The following ITGB2 variants were observed in gnomAD, a reference collection of about 807,000 sequenced individuals.
ITGB2 encodes integrin subunit beta 2.
Under a neutral mutation model 86.8 loss-of-function variants are expected in ITGB2, and 56 were observed. The observed-to-expected ratio is 0.65, with a 90% CI of 0.52 to 0.81. The LOEUF is 0.81. ITGB2 is among the 30% of genes least tolerant of loss of function. The pLI is 0.00. For synonymous variants in ITGB2, 457 were observed against 450.4 expected (o/e 1.01, Z -0.19); for missense variants, 948 against 1,061.2 (o/e 0.89, Z 1.48).
intron 10 of ITGB2, among the ~76,000 whole-genome samples, chr21:44,892,751 ACAAAAAAC>A: frequency 6.6e-6 from 1 of 152,208 alleles, no homozygotes; most frequent in East Asian, 1.9e-4. Context: ...AAAACAAAAA[ACAAAAAAC>A]AAAAAGAAAC....
At chr21:44,921,627 A>G (rs2084306324), upstream of ITGB2, among the ~76,000 whole-genome samples, 1 of 151,998 alleles carries the variant, frequency 6.6e-6, no homozygotes, top group Non-Finnish European at 1.5e-5. Flanking sequence ...GAAAGAGATT[A>G]TACCTAGAAA....
intron 1 of ITGB2, among the ~76,000 whole-genome samples, chr21:44,912,854 C>A (rs2084154794): frequency 7.7e-6 from 1 of 130,086 alleles, no homozygotes; most frequent in Non-Finnish European, 1.7e-5. Context: ...CAGGACTCCC[C>A]CAGGGTGCAG....
chr21:44,895,019 C>T lies in ITGB2; in HGVS notation c.1035G>A (p.Leu345=), dbSNP rs2083842930. 1.2e-6 allele frequency: 2 copies of T among 1,613,678 alleles called. No homozygotes were observed. Among genetic ancestry groups the T allele is most frequent in the African/African-American group, 2.7e-5 (2 of 74,964 alleles). The part of the protein sequence containing the change: ...EIIPKSAVGE[L]SEDSSNVVHL... ...GGACCACATTGCTGGAGTCCTCAGA[C>T]AGCTCCCCCACGGCTGACTTGGGGA... Residue 345 remains leucine, a synonymous_variant, in exon 9 of 16, where the codon CTG becomes CTA. Coordinates refer to ENST00000652462, the MANE Select transcript of ITGB2 (RefSeq NM_000211.5).
chr21:44,928,008 G>C (rs1458626683), intron 1 of ITGB2: 2 of 152,276 alleles, frequency 1.3e-5, no homozygotes, highest in African/African-American at 4.8e-5. Flanking sequence ...CTGTGGCCTG[G>C]GTGGGCCTGT....
intron 1 of ITGB2, among the ~76,000 whole-genome samples, chr21:44,927,469 C>T (rs1029591065): frequency 2.0e-5 from 3 of 152,088 alleles, no homozygotes; most frequent in African/African-American, 2.4e-5. Context: ...CTGGGGCCAC[C>T]CGGGAACCGC....
rs548128575 is a variant in ITGB2, at chr21:44,916,213, G to A, written c.-4+4608C>T. On this transcript the variant is annotated intron_variant, in intron 1 of 15. Transcript: ENST00000652462. ...TGGGATTACAGGCGTGAGCCACTGCGCCCGGCCTGATAGCACAAATTTTAA... is the reference window on the plus strand; with the variant it reads ...TGGGATTACAGGCGTGAGCCACTGCACCCGGCCTGATAGCACAAATTTTAA... Among the ~76,000 whole-genome samples the A allele has an allele frequency of 1.4e-3, 220 of 152,180 alleles. 2 individuals are homozygous for A. The highest frequency in any genetic ancestry group is 2.4e-3 in the Non-Finnish European group (163 of 68,008).
At chr21:44,897,558 C>T (rs746131606) in intron 8 of ITGB2, among the ~76,000 whole-genome samples, 6 of 152,218 alleles carry the variant, frequency 3.9e-5, no homozygotes, top group East Asian at 1.9e-4. Flanking sequence ...GTACCCACGA[C>T]GCACTGCCCG....
rs550491140 is a variant in ITGB2 at position 44,890,092 on chromosome 21, C to T, written c.1543G>A (p.Gly515Arg). 1.1e-5 allele frequency: 18 copies of T among 1,613,450 alleles called. No individual in the cohort carries two copies. The highest frequency in any genetic ancestry group is 1.0e-4 in the Admixed American group (6 of 60,032). Reference protein sequence around the residue: ...ICSGLGDCVCGQCLCHTSDVP... With the variant: ...ICSGLGDCVCRQCLCHTSDVP... ...TCGCTGGTGTGGCACAGGCACTGCC[C>T]GCAGACACAGTCCCCCAGCCCTGAG... The change falls in exon 12 of 16, where the codon GGG becomes AGG. Residue 515 changes from glycine to arginine, a missense_variant. Physicochemically the swap from Gly to Arg is moderately radical, Grantham distance 125. Transcript: ENST00000652462.
At chr21:44,903,661 C>A in intron 4 of ITGB2, 126 bp from the exon 5 acceptor site, 3 of 1,073,306 alleles carry the variant, frequency 2.8e-6, no homozygotes, top group Non-Finnish European at 4.1e-6. Context: ...CTCCTGACCT[C>A]CCCTCTCCCC....
At chr21:44,920,506 C>A (rs888957265) in intron 1 of ITGB2, among the ~76,000 whole-genome samples, 16 of 152,298 alleles carry the variant, frequency 1.1e-4, no homozygotes, top group African/African-American at 3.8e-4. Context: ...GACCCCCCAG[C>A]CGTCCCCCTA....
At chr21:44,892,915 AC>A (rs2083810055) in intron 10 of ITGB2, 2 of 189,700 alleles carry the variant, frequency 1.1e-5, no homozygotes, top group African/African-American at 2.3e-5. Context: ...AACTAACCCT[AC>A]CCAGGTTTGC....
rs1354352877 is a variant in ITGB2 at position 44,896,006 on chromosome 21, TGCCTGCGGTGTGAGTGATCCC to T, written c.994-967_994-947del. Among the ~76,000 whole-genome samples, 212 of 151,772 alleles carry T rather than the reference TGCCTGCGGTGTGAGTGATCCC, an allele frequency of 1.4e-3. 1 individual carries two copies. The highest frequency in any genetic ancestry group is 4.7e-3 in the African/African-American group (195 of 41,130). On this transcript the variant is annotated intron_variant, in intron 8 of 15. Coordinates refer to ENST00000652462, the MANE Select transcript of ITGB2 (RefSeq NM_000211.5). ...CCAGGCCTGCCCGTGTGAGTCCTCC[TGCCTGCGGTGTGAGTGATCCC>T]GCCTGCGGTGTGAGTGCTCCCGCCT...
At chr21:44,889,081 C>G in intron 13 of ITGB2, 186 bp from the exon 14 acceptor site, 1 of 700,258 alleles carries the variant, frequency 1.4e-6, no homozygotes. Context: ...TCCCAGGGCC[C>G]GCGGCAGGTG....
chr21:44,917,912 C>T (rs1171526388), intron 1 of ITGB2, among the ~76,000 whole-genome samples: 1 of 152,230 alleles, frequency 6.6e-6, no homozygotes, highest in Non-Finnish European at 1.5e-5. Context: ...GCAGGGGCCT[C>T]AGCTCAGGAC....
Position 44,893,533 on chromosome 21 carries a change from G to A in ITGB2, c.1095C>T (p.Ser365=), listed in dbSNP as rs2083821443. Residue 365 remains serine (S), a synonymous_variant, in exon 10 of 16, where the codon TCC becomes TCT. Coordinates refer to ENST00000652462, the MANE Select transcript of ITGB2 (RefSeq NM_000211.5). ...GGGCGTTGTGATCCAGGAAGACCCT[G>A]GAGGAGAGTTTCTGCGGGCAGAGAG... ...LIKNAYNKLS[S]RVFLDHNALP... is the part of the protein sequence containing the mutation. 6.2e-7 allele frequency: 1 copy of A among 1,613,994 alleles called. No individual in the cohort carries two copies. Among genetic ancestry groups the A allele is most frequent in the Non-Finnish European group, 8.5e-7 (1 of 1,179,882 alleles).
chr21:44,899,032 C>A, intron 8 of ITGB2, 35 bp downstream of exon 8: 1 of 1,525,090 alleles, frequency 6.6e-7, no homozygotes. Flanking sequence ...AACATGCCCC[C>A]ACCCAATGGA....
Position 44,903,019 on chromosome 21 carries a change from C to T in ITGB2, c.499+346G>A, listed in dbSNP as rs76029569. 1.7e-4 allele frequency among the ~76,000 whole-genome samples: 26 copies of T among 152,272 alleles called. No individual in the cohort carries two copies. In the East Asian group the frequency reaches 4.2e-3, roughly 25 times the overall value. On this transcript the variant is annotated intron_variant, in intron 5 of 15. Coordinates refer to ENST00000652462, the MANE Select transcript of ITGB2 (RefSeq NM_000211.5). ...TGCTGTGTGGTTTCTTCAGTGCTGC[C>T]GTCGCTGTGCCGTCTATATGTGTTG...
At chr21:44,918,141 T>G (rs767354413) in intron 1 of ITGB2, among the ~76,000 whole-genome samples, 1 of 152,248 alleles carries the variant, frequency 6.6e-6, no homozygotes, top group Non-Finnish European at 1.5e-5. Context: ...GAGTTGGGGC[T>G]TCCCAGCGAC....
In ITGB2 at chr21:44,889,969, C is replaced by G; in HGVS notation, c.1657+9G>C. ...ACGGCCGTTGTCCAGCAGGGACCCA[C>G]GGGCTCACCCGGGCCGCCGCAGACC... On this transcript the variant is annotated intron_variant, in intron 12 of 15. Coordinates refer to ENST00000652462, the MANE Select transcript of ITGB2 (RefSeq NM_000211.5). 6.2e-7 allele frequency: 1 copy of G among 1,612,908 alleles called. No individual in the cohort carries two copies. The highest frequency in any genetic ancestry group is 1.1e-5 in the South Asian group (1 of 91,080).
Sources: allele counts gnomAD v4.1 joint callset (sites outside exome capture counted in the v4.1 genomes callset), GRCh38; gene constraint gnomAD v4.1.1; transcripts MANE v1.5; gene names NCBI Gene and HGNC (gene_info 2026-07-23, HGNC 2026-07-21).